The following ELMO1 variants were observed in gnomAD, a reference collection of about 807,000 sequenced individuals.
ELMO1 encodes engulfment and cell motility 1, also known as engulfment and cell motility protein 1.
ELMO1 carries 26 observed loss-of-function variants against 98.9 expected under a neutral mutation model. The observed-to-expected ratio is 0.26, with a 90% CI of 0.19 to 0.36. The LOEUF is 0.36. Ranked by LOEUF, ELMO1 falls within the 10% of genes least tolerant of loss-of-function variation. ELMO1 has a pLI of 1.00. For synonymous variants in ELMO1, 346 were observed against 346.0 expected (o/e 1.00, Z 0.00); for missense variants, 627 against 935.2 (o/e 0.67, Z 4.30).
At chr7:37,140,474 C>A (rs1033254646) in intron 13 of ELMO1, among the ~76,000 whole-genome samples, 1 of 151,874 alleles carries the variant, frequency 6.6e-6, no homozygotes, top group African/African-American at 2.4e-5. Context: ...TTGGCTTAGG[C>A]AAAGACTTAA....
At chr7:37,054,804 A>T (rs759925133) in intron 15 of ELMO1, among the ~76,000 whole-genome samples, 3 of 152,228 alleles carry the variant, frequency 2.0e-5, no homozygotes, top group Non-Finnish European at 4.4e-5. Context: ...AGGCACTACT[A>T]TGTAGCAATC....
chr7:37,315,563 T>A (rs1359615934), intron 3 of ELMO1, among the ~76,000 whole-genome samples: 3 of 152,224 alleles, frequency 2.0e-5, no homozygotes, highest in Admixed American at 6.5e-5. Flanking sequence ...AATTCTTTCA[T>A]CCTCTATGGG....
intron 16 of ELMO1, among the ~76,000 whole-genome samples, chr7:36,958,422 T>G (rs563217752): frequency 1.3e-5 from 2 of 152,226 alleles, no homozygotes; most frequent in Non-Finnish European, 2.9e-5. Flanking sequence ...CAGACAACTA[T>G]GTACAGCTTC....
At chr7:37,212,746 G>A (rs552379140) in intron 12 of ELMO1, among the ~76,000 whole-genome samples, 2 of 152,150 alleles carry the variant, frequency 1.3e-5, no homozygotes, top group East Asian at 1.9e-4. Flanking sequence ...AATGTGCTAC[G>A]GCAGGGCTCC....
At chr7:37,413,239 G>T (rs1349496961) in intron 1 of ELMO1, among the ~76,000 whole-genome samples, 1 of 151,734 alleles carries the variant, frequency 6.6e-6, no homozygotes, top group Non-Finnish European at 1.5e-5. Flanking sequence ...TTGCACACAA[G>T]ACTTTCCTCA....
At chr7:37,048,810 G>A (rs1470285804) in intron 15 of ELMO1, among the ~76,000 whole-genome samples, 2 of 152,172 alleles carry the variant, frequency 1.3e-5, no homozygotes, top group Non-Finnish European at 2.9e-5. Context: ...ACAGGGCCTA[G>A]GTACCTGCAG....
In ELMO1 at chr7:36,970,180, A is replaced by AACACACACAC. The variant is rs56928749; in HGVS notation, c.1437+43109_1437+43118dup. 8.7e-3 allele frequency among the ~76,000 whole-genome samples: 1,261 copies of AACACACACAC among 144,308 alleles called. 26 individuals are homozygous for AACACACACAC. Among genetic ancestry groups the AACACACACAC allele is most frequent in the African/African-American group, 0.031 (1,184 of 38,670 alleles). 94.7% of individuals were successfully genotyped at this position (144,308 alleles called of 152,430 possible). On this transcript the variant is annotated intron_variant, in intron 16 of 21. Transcript: ENST00000310758. ...CACACACAAATACATTCATACACTTAACACACACACACACACACACACACA... is the reference window on the plus strand; with the variant it reads ...CACACACAAATACATTCATACACTTAACACACACACACACACACACACACACACACACACA...
intron 15 of ELMO1, among the ~76,000 whole-genome samples, chr7:37,086,268 C>A (rs1783764220): frequency 6.6e-6 from 1 of 151,140 alleles, no homozygotes; most frequent in African/African-American, 2.4e-5. Flanking sequence ...AATTTTTCTT[C>A]AAGTTATATT....
chr7:37,024,736 C>T (rs1019242251), intron 15 of ELMO1, among the ~76,000 whole-genome samples: 2 of 152,144 alleles, frequency 1.3e-5, no homozygotes, highest in African/African-American at 4.8e-5. Context: ...AATGCTTAGT[C>T]CAGCACCTGA....
intron 1 of ELMO1, among the ~76,000 whole-genome samples, chr7:37,345,646 G>A (rs1380643959): frequency 1.3e-5 from 2 of 151,992 alleles, no homozygotes; most frequent in African/African-American, 2.4e-5. Context: ...GGTGGAGGTT[G>A]CAGGGGACCA....
chr7:36,989,558 A>G (rs935333637), intron 16 of ELMO1, among the ~76,000 whole-genome samples: 1 of 137,654 alleles, frequency 7.3e-6, no homozygotes, highest in African/African-American at 2.5e-5. Context: ...TATAAAATGG[A>G]AAAAGGCAGT....
intron 14 of ELMO1, among the ~76,000 whole-genome samples, chr7:37,110,814 C>T (rs1013930958): frequency 6.6e-6 from 1 of 152,184 alleles, no homozygotes; most frequent in African/African-American, 2.4e-5. Flanking sequence ...ACCATGACAG[C>T]CACTCCCTAA....
chr7:37,051,949 GCTGCCCT>G (rs1286120176), intron 15 of ELMO1, among the ~76,000 whole-genome samples: 1 of 152,174 alleles, frequency 6.6e-6, no homozygotes, highest in African/African-American at 2.4e-5. Flanking sequence ...TTCAAAGAAA[GCTGCCCT>G]CTGTAGGGCA....
intron 14 of ELMO1, among the ~76,000 whole-genome samples, chr7:37,099,158 A>T (rs1188586150): frequency 2.0e-5 from 3 of 152,202 alleles, no homozygotes; most frequent in African/African-American, 7.2e-5. Flanking sequence ...TGCACCATCC[A>T]TCTTATCATA....
At chr7:37,004,191 T>C (rs1792886448) in intron 16 of ELMO1, among the ~76,000 whole-genome samples, 1 of 152,206 alleles carries the variant, frequency 6.6e-6, no homozygotes, top group Admixed American at 6.5e-5. Context: ...TCATCATGCC[T>C]TACTTAAAAT....
In ELMO1 at chr7:37,342,672, T is replaced by C. The variant is rs1233066187; in HGVS notation, c.19A>G (p.Ile7Val). The change falls in exon 2 of 22, where the codon ATC (isoleucine) becomes GTC (valine). Residue 7 changes from isoleucine to valine, a missense_variant. Physicochemically the swap from Ile to Val is conservative, Grantham distance 29. Transcript: ENST00000310758. This position sits in a 1 kb window ranked among gnomAD's most constrained non-coding sequence, Gnocchi z 4.3. MPPPAD[I>V]VKVAIEWPGA... ...GGCCATTCTATGGCCACCTTGACGATGTCCGCGGGTGGCGGCATTGTAAGT... is the reference window on the plus strand; with the variant it reads ...GGCCATTCTATGGCCACCTTGACGACGTCCGCGGGTGGCGGCATTGTAAGT... 2 of 1,611,040 alleles carry C rather than the reference T, an allele frequency of 1.2e-6. No individual in the cohort carries two copies. The highest frequency in any genetic ancestry group is 1.3e-5 in the African/African-American group (1 of 74,646).
chr7:37,363,933 TAGA>T (rs1801798515), intron 1 of ELMO1, among the ~76,000 whole-genome samples: 1 of 152,118 alleles, frequency 6.6e-6, no homozygotes, highest in South Asian at 2.1e-4. Flanking sequence ...ACCCTAGGCC[TAGA>T]AGGACTCTAA....
At chr7:36,883,403 T>C (rs970243319) in intron 18 of ELMO1, among the ~76,000 whole-genome samples, 1 of 151,910 alleles carries the variant, frequency 6.6e-6, no homozygotes, top group Non-Finnish European at 1.5e-5. Flanking sequence ...TAGTGGCTGG[T>C]ATCATTTCGA....
At position 37,096,991 on chromosome 7, in the gene ELMO1, G is replaced by A. The variant is rs200585524; in HGVS notation, c.1192-264C>T. Among the ~76,000 whole-genome samples the A allele has an allele frequency of 3.3e-5, 5 of 152,300 alleles. No homozygotes were observed. In the East Asian group the frequency reaches 9.6e-4, roughly 29 times the overall value. On this transcript the variant is annotated intron_variant, in intron 14 of 21. Transcript: ENST00000310758. The stretch of plus-strand genomic sequence containing the variant: ...CCATTTACACAGAGAAGCCTGGAGA[G>A]TGTTTTGGAATAGTACAATAAAGAC...
Sources: allele counts gnomAD v4.1 joint callset (sites outside exome capture counted in the v4.1 genomes callset), GRCh38; gene constraint gnomAD v4.1.1; non-coding constraint Gnocchi (gnomAD v3.1); transcripts MANE v1.5; gene names NCBI Gene and HGNC (gene_info 2026-07-23, HGNC 2026-07-21).